TMEM245: variants seen among roughly 807,000 people sequenced by gnomAD.
TMEM245 encodes transmembrane protein 245, also known as protein CG-2.
In TMEM245, 69 loss-of-function variants were observed where a neutral mutation model predicts 101.2. That is an observed-to-expected ratio of 0.68 (90% confidence interval 0.56 to 0.83). The LOEUF (loss-of-function observed/expected upper bound fraction) is 0.83, where lower values mean the gene tolerates loss of function less well. TMEM245 is among the 40% of genes least tolerant of loss of function. TMEM245 has a pLI of 0.00. For missense variants in TMEM245, 1,075 were observed against 1,092.8 expected (o/e 0.98, Z 0.23); for synonymous variants, 537 against 449.8 (o/e 1.19, Z -2.45).
chr9:109,115,274 GC>G (rs1263138090), intron 1 of TMEM245, among the ~76,000 whole-genome samples: 1 of 152,014 alleles, frequency 6.6e-6, no homozygotes, highest in Admixed American at 6.6e-5. Flanking sequence ...AACCGGGGAG[GC>G]AGAGCTTGCA....
chr9:109,055,637 CTT>C (rs377221189), intron 12 of TMEM245, among the ~76,000 whole-genome samples: 30 of 142,654 alleles, frequency 2.1e-4, no homozygotes, highest in Non-Finnish European at 2.3e-4. Context: ...TTCTTTTTTT[CTT>C]TTTTTTTTTT....
chr9:109,091,437 G>C (rs1830004678), intron 4 of TMEM245, among the ~76,000 whole-genome samples: 1 of 152,142 alleles, frequency 6.6e-6, no homozygotes, highest in South Asian at 2.1e-4. Flanking sequence ...AAGTAGCTGA[G>C]AATTATAATT....
chr9:109,032,934 G>C (rs1828007033), intron 17 of TMEM245, among the ~76,000 whole-genome samples: 1 of 151,234 alleles, frequency 6.6e-6, no homozygotes, highest in Non-Finnish European at 1.5e-5. Context: ...AAACAGCTGG[G>C]TTCACAGGCG....
At position 109,108,437 on chromosome 9, in the gene TMEM245, AAAAG is replaced by A. The variant is rs766133499; in HGVS notation, c.697+12_697+15del. On this transcript the variant is annotated intron_variant, in intron 2 of 17. Coordinates refer to ENST00000374586, the MANE Select transcript of TMEM245 (RefSeq NM_032012.4). ...GCTAGACTTAAAAAAAAAAAAAAAA[AAAAG>A]AAGGAACCCACCTAAATGAAAAAGC... is the stretch of plus-strand genomic sequence containing the variant. The A allele has an allele frequency of 1.6e-5, 23 of 1,452,010 alleles. No homozygotes were observed. Among genetic ancestry groups the A allele is most frequent in the Admixed American group, 1.5e-4 (6 of 39,340 alleles). The allele number at this position is 1,452,010 out of a possible 1,614,324, so 89.9% of individuals were successfully genotyped here. A position where few individuals can be genotyped will look rare whatever the true frequency, so the allele number is the denominator to read the frequency against.
intron 7 of TMEM245, among the ~76,000 whole-genome samples, chr9:109,085,201 G>C (rs1052913033): frequency 6.6e-6 from 1 of 152,282 alleles, no homozygotes; most frequent in South Asian, 2.1e-4. Flanking sequence ...GAATTCCTGG[G>C]CTCAAACAAT....
At chr9:109,045,477 G>A (rs1379981298) in intron 14 of TMEM245, among the ~76,000 whole-genome samples, 2 of 152,142 alleles carry the variant, frequency 1.3e-5, no homozygotes, top group Admixed American at 1.3e-4. Context: ...GGAGGCTATG[G>A]TAGTAGTAAA....
intron 3 of TMEM245, among the ~76,000 whole-genome samples, chr9:109,104,027 G>C (rs1455162917): frequency 6.6e-6 from 1 of 152,088 alleles, no homozygotes; most frequent in Non-Finnish European, 1.5e-5. Context: ...GGAGGCTGCA[G>C]TGAGCTGAGA....
intron 9 of TMEM245, among the ~76,000 whole-genome samples, chr9:109,068,578 G>T (rs1264482408): frequency 1.3e-5 from 2 of 152,038 alleles, no homozygotes; most frequent in African/African-American, 2.4e-5. Flanking sequence ...GGTGAAGGTT[G>T]CACTGAGCCA....
intron 17 of TMEM245, 91 bp from the exon 18 acceptor site, chr9:109,020,596 G>A: frequency 8.8e-7 from 1 of 1,135,784 alleles, no homozygotes; most frequent in South Asian, 1.4e-5. Context: ...AGATTATATA[G>A]TCACTATTTT....
chr9:109,073,320 A>T (rs753057176), intron 9 of TMEM245, 36 bp downstream of exon 9: 1 of 1,473,302 alleles, frequency 6.8e-7, no homozygotes, highest in East Asian at 2.3e-5. Flanking sequence ...AAACTAGGCC[A>T]TTCATCTCTC....
rs531058916 is a variant in TMEM245 at position 109,033,194 on chromosome 9, T to C, written c.2594+113A>G. The C allele has an allele frequency of 1.8e-4, 208 of 1,166,520 alleles. 3 individuals are homozygous for C. The South Asian group carries it at 3.8e-3, about 21-fold the overall frequency. The allele number at this position is 1,166,520 out of a possible 1,614,324, so 72.3% of individuals were successfully genotyped here. A position where few individuals can be genotyped will look rare whatever the true frequency, so the allele number is the denominator to read the frequency against. ...GTCTTCTGCAACCTTTATCACAGCA[T>C]TGGTACTCAAATACCTTTATCCTGA... On this transcript the variant is annotated intron_variant, in intron 17 of 17. Coordinates refer to ENST00000374586, the MANE Select transcript of TMEM245 (RefSeq NM_032012.4).
intron 8 of TMEM245, among the ~76,000 whole-genome samples, chr9:109,075,960 T>C (rs1829486712): frequency 6.6e-6 from 1 of 152,212 alleles, no homozygotes; most frequent in Non-Finnish European, 1.5e-5. Context: ...CTTTTTCAAA[T>C]ATAAGCATTT....
chr9:109,090,126 T>TGGC (rs1375982118), intron 5 of TMEM245, among the ~76,000 whole-genome samples: 1 of 151,936 alleles, frequency 6.6e-6, no homozygotes, highest in Non-Finnish European at 1.5e-5. Flanking sequence ...CCAGGGGTGG[T>TGGC]GGCGCATGCC....
chr9:109,109,822 G>T (rs900110502), intron 1 of TMEM245, among the ~76,000 whole-genome samples: 3 of 152,060 alleles, frequency 2.0e-5, no homozygotes, highest in African/African-American at 7.2e-5. Flanking sequence ...AGACTATATA[G>T]TTTAAAAACT....
In TMEM245 at chr9:109,018,824, CT is replaced by C. The variant is rs1445746950; in HGVS notation, c.*1635del. On this transcript the variant is annotated 3_prime_UTR_variant, in exon 18 of 18. Transcript: ENST00000374586. The stretch of plus-strand genomic sequence containing the variant: ...CATCTTGGCTCACTGCAGCCTCGAC[CT>C]CCTGGACTCAGGTGATCCTCATACA... 2 of 152,100 alleles carry C rather than the reference CT, an allele frequency of 1.3e-5. No individual in the cohort carries two copies. Among genetic ancestry groups the C allele is most frequent in the East Asian group, 3.9e-4 (2 of 5,178 alleles). The allele number at this position is 152,100 out of a possible 1,614,324, so 9.4% of individuals were successfully genotyped here.
chr9:109,071,622 T>G (rs1369205995), intron 9 of TMEM245, among the ~76,000 whole-genome samples: 2 of 151,862 alleles, frequency 1.3e-5, no homozygotes, highest in Non-Finnish European at 2.9e-5. Flanking sequence ...AAAAAAAATT[T>G]TATTCTAAAT....
In TMEM245 at chr9:109,017,775, T is replaced by C. The variant is rs1269237342; in HGVS notation, c.*2685A>G. ...GGTAGGTTATCTTTGAGACTTGAGC[T>C]TAAAACTCCTACCTTTTCATACCAC... On this transcript the variant is annotated 3_prime_UTR_variant, in exon 18 of 18. Transcript: ENST00000374586. The C allele has an allele frequency of 2.6e-5, 4 of 152,238 alleles. No individual in the cohort carries two copies. Among genetic ancestry groups the C allele is most frequent in the African/African-American group, 9.6e-5 (4 of 41,468 alleles). 9.4% of individuals were successfully genotyped at this position (152,238 alleles called of 1,614,324 possible). A position where few individuals can be genotyped will look rare whatever the true frequency, so the allele number is the denominator to read the frequency against.
rs111480136 is a variant in TMEM245 at position 109,033,465 on chromosome 9, G to A, written c.2436C>T (p.Ala812=). 1.9e-4 allele frequency: 314 copies of A among 1,611,232 alleles called. 2 individuals carry two copies. The African/African-American group carries it at 3.3e-3, about 17-fold the overall frequency. The change falls in exon 17 of 18, where the codon GCC becomes GCT. Residue 812 remains alanine, a synonymous_variant. Transcript: ENST00000374586. ...GHPYLTGLAV[A]GGAYYLGLEG... is the part of the protein sequence containing the mutation. The stretch of plus-strand genomic sequence containing the variant: ...CCAGGCCTAGGTAGTATGCTCCACC[G>A]GCCACTGCCAAGCCTGTCAGGTAAG...
At chr9:109,071,753 G>A (rs1037409372) in intron 9 of TMEM245, among the ~76,000 whole-genome samples, 5 of 152,140 alleles carry the variant, frequency 3.3e-5, no homozygotes, top group African/African-American at 4.8e-5. Context: ...CCTGACTTAT[G>A]ACTGTCTTGA....
Sources: allele counts gnomAD v4.1 joint callset (sites outside exome capture counted in the v4.1 genomes callset), GRCh38; gene constraint gnomAD v4.1.1; transcripts MANE v1.5; gene names NCBI Gene and HGNC (gene_info 2026-07-23, HGNC 2026-07-21).